The following YJU2 variants were observed in gnomAD, a reference collection of about 807,000 sequenced individuals.
The protein encoded by YJU2 is YJU2 splicing factor homolog.
In YJU2, 28 loss-of-function variants were observed where a neutral mutation model predicts 39.6. The ratio of observed to expected loss-of-function variants is 0.71; its 90% CI spans 0.52 to 0.97. The LOEUF (loss-of-function observed/expected upper bound fraction) is 0.97, where lower values mean the gene tolerates loss of function less well. Ranked by LOEUF, YJU2 falls within the 50% of genes least tolerant of loss-of-function variation. YJU2 has a pLI of 0.00. For missense variants in YJU2, 328 were observed against 430.4 expected, an observed-to-expected ratio of 0.76 and a Z score of 2.11; for synonymous variants, 184 against 182.4, an observed-to-expected ratio of 1.01 and a Z score of -0.07.
In YJU2 at chr19:4,267,879, G is replaced by A. The variant is rs188461575; in HGVS notation, c.859+105G>A. The stretch of plus-strand genomic sequence containing the variant: ...GAGACTTCATGGGGTGGGTGGGGGC[G>A]GCCTGCGACCCCCACAGGACCAATT... On this transcript the variant is annotated intron_variant, in intron 7 of 7. Coordinates refer to ENST00000262962, the MANE Select transcript of YJU2 (RefSeq NM_018074.6). The A allele has an allele frequency of 4.8e-4, 498 of 1,048,160 alleles. 2 individuals are homozygous for A. The African/African-American group carries it at 6.9e-3, about 15-fold the overall frequency. 64.9% of individuals were successfully genotyped at this position (1,048,160 alleles called of 1,614,324 possible).
intron 6 of YJU2, among the ~76,000 whole-genome samples, 168 bp from the exon 7 acceptor site, chr19:4,267,456 C>T (rs1402276464): frequency 1.3e-5 from 2 of 152,204 alleles, no homozygotes; most frequent in Non-Finnish European, 2.9e-5. Flanking sequence ...CCTTGAGTGC[C>T]AAGCCTAGGG....
At chr19:4,250,983 C>T in intron 2 of YJU2, 44 bp from the exon 3 acceptor site, 4 of 1,590,682 alleles carry the variant, frequency 2.5e-6, no homozygotes, top group Non-Finnish European at 3.4e-6. Flanking sequence ...CCAGTGGGAG[C>T]CAGCGTCCCA....
At chr19:4,267,513 A>C in intron 6 of YJU2, 111 bp from the exon 7 acceptor site, 1 of 1,116,112 alleles carries the variant, frequency 9.0e-7, no homozygotes, top group African/African-American at 1.5e-5. Context: ...GAATGTGGTC[A>C]GTGCAGCAGT....
intron 6 of YJU2, among the ~76,000 whole-genome samples, chr19:4,264,077 A>G (rs796567450): frequency 2.7e-4 from 41 of 151,546 alleles, no homozygotes; most frequent in African/African-American, 9.9e-4. Context: ...CCTATCTAAC[A>G]CGGTGAAACC....
intron 4 of YJU2, among the ~76,000 whole-genome samples, chr19:4,255,677 G>A (rs1245794486): frequency 6.7e-6 from 1 of 148,402 alleles, no homozygotes; most frequent in Non-Finnish European, 1.5e-5. Flanking sequence ...GCAGTGAGCT[G>A]AGATCATGCC....
rs373312593 is a variant in YJU2 at position 4,262,100 on chromosome 19, G to T, written c.694G>T (p.Ala232Ser). 1.2e-6 allele frequency: 2 copies of T among 1,610,132 alleles called. No individual in the cohort carries two copies. ...GCCAGCCCTTCGGCCCAACCCCACC[G>T]CCATCCTGGATGAGGTAAGTGGGGT... ...LQPALRPNPT[A>S]ILDEAPKPKR... The change falls in exon 6 of 8, where the codon GCC becomes TCC. Residue 232 changes from alanine to serine, a missense_variant. Coordinates refer to ENST00000262962, the MANE Select transcript of YJU2 (RefSeq NM_018074.6).
chr19:4,249,741 G>A (rs1172493274), intron 2 of YJU2, among the ~76,000 whole-genome samples: 1 of 149,722 alleles, frequency 6.7e-6, no homozygotes, highest in African/African-American at 2.5e-5. Context: ...GAGTCTTGCC[G>A]TGTTGCCCAG....
chr19:4,268,720 G>A lies in YJU2; in HGVS notation c.*24G>A. 2 of 1,543,956 alleles carry A rather than the reference G, an allele frequency of 1.3e-6. 1 individual carries two copies. Among genetic ancestry groups the A allele is most frequent in the South Asian group, 2.3e-5 (2 of 88,702 alleles). On this transcript the variant is annotated 3_prime_UTR_variant, in exon 8 of 8. Coordinates refer to ENST00000262962, the MANE Select transcript of YJU2 (RefSeq NM_018074.6). ...GAGCCCTCCCAGGACCCCCTCACGG[G>A]GTCAAAGTCACACGTCCAGCTTCAG...
chr19:4,253,577 TC>T (rs937875057), intron 3 of YJU2, among the ~76,000 whole-genome samples: 6 of 152,052 alleles, frequency 3.9e-5, no homozygotes, highest in African/African-American at 1.2e-4. Flanking sequence ...CGAGACCCTG[TC>T]CCCAAAAAAA....
At chr19:4,247,878 T>A (rs1194569821) in intron 1 of YJU2, 3 of 151,686 alleles carry the variant, frequency 2.0e-5, no homozygotes, top group Non-Finnish European at 4.4e-5. Context: ...TGTTTTTTGG[T>A]TTTTTGAGAT....
At chr19:4,267,813 A>G (rs1290028071) in intron 7 of YJU2, 39 bp downstream of exon 7, 5 of 1,574,834 alleles carry the variant, frequency 3.2e-6, no homozygotes, top group East Asian at 2.3e-5. Context: ...CGCGGTTTCT[A>G]TAGTGGCCTG....
chr19:4,247,582 CGTGTGTGTGTGTGTGTGTGTGTGT>C (rs1348900052), intron 1 of YJU2, among the ~76,000 whole-genome samples: 12 of 27,272 alleles, frequency 4.4e-4, no homozygotes, highest in African/African-American at 1.1e-3. Context: ...TGGGGTGGCG[CGTGTGTGTGTGTGTGTGTGTGTGT>C]GTGTGTGTGT....
At chr19:4,247,612 T>C (rs768405362) in intron 1 of YJU2, among the ~76,000 whole-genome samples, 12,130 of 31,144 alleles carry the variant, frequency 0.39, 3,378 homozygotes, top group South Asian at 0.61. Context: ...TGTGTGTGTG[T>C]GTGTGTGTGT....
At chr19:4,247,590 T>C (rs1568359513) in intron 1 of YJU2, among the ~76,000 whole-genome samples, 131 of 5,144 alleles carry the variant, frequency 0.025, 17 homozygotes, top group East Asian at 0.051. Flanking sequence ...CGCGTGTGTG[T>C]GTGTGTGTGT....
chr19:4,249,852 G>A (rs1464248563), intron 2 of YJU2, among the ~76,000 whole-genome samples: 3 of 151,982 alleles, frequency 2.0e-5, no homozygotes, highest in Non-Finnish European at 2.9e-5. Context: ...GATTACAGGC[G>A]TGCACCACCA....
chr19:4,262,494 G>A (rs538775353), intron 6 of YJU2, among the ~76,000 whole-genome samples: 46 of 152,080 alleles, frequency 3.0e-4, no homozygotes, highest in African/African-American at 8.9e-4. Flanking sequence ...CACCATGCCC[G>A]ACCAGAACTT....
intron 4 of YJU2, 27 bp downstream of exon 4, chr19:4,254,516 A>G (rs1218746365): frequency 2.6e-6 from 4 of 1,552,208 alleles, no homozygotes; most frequent in Admixed American, 2.0e-5. Context: ...GTAGGTGTTC[A>G]TGGGCGCTGT....
chr19:4,252,202 C>T (rs2144689822), intron 3 of YJU2, among the ~76,000 whole-genome samples: 1 of 119,318 alleles, frequency 8.4e-6, no homozygotes, highest in South Asian at 2.8e-4. Context: ...TGGCTCACAG[C>T]TATAATCAGC....
chr19:4,264,680 T>G lies in YJU2; in HGVS notation c.708+2566T>G, dbSNP rs192653367. ...TTTTGTATTTTTAGTAGAGATGGCG[T>G]TTCACCATGTTGGCCAGGCTGATCT... On this transcript the variant is annotated intron_variant, in intron 6 of 7. Coordinates refer to ENST00000262962, the MANE Select transcript of YJU2 (RefSeq NM_018074.6). Among the ~76,000 whole-genome samples the G allele has an allele frequency of 4.6e-3, 693 of 152,088 alleles. 5 individuals carry two copies. The highest frequency in any genetic ancestry group is 0.016 in the African/African-American group (664 of 41,488).
Sources: gnomAD v4.1 joint callset for allele counts (sites outside exome capture counted in the v4.1 genomes callset) on GRCh38, gnomAD v4.1.1 for gene constraint, MANE v1.5 for transcripts, NCBI Gene and HGNC (gene_info 2026-07-23, HGNC 2026-07-21) for gene names.